The following TMEM135 variants were observed in gnomAD, a reference collection of about 807,000 sequenced individuals.
TMEM135 encodes the protein transmembrane protein 135.
In TMEM135, 30 loss-of-function variants were observed where a neutral mutation model predicts 60.3. The ratio of observed to expected loss-of-function variants is 0.50; its 90% CI spans 0.37 to 0.68. The LOEUF is 0.68. Ranked by LOEUF, TMEM135 falls within the 30% of genes least tolerant of loss-of-function variation. The probability of loss-of-function intolerance (pLI) is 0.00; values close to 1 mark genes in which losing one functional copy is unlikely to be tolerated. For missense variants in TMEM135, 468 were observed against 548.8 expected, an observed-to-expected ratio of 0.85 and a Z score of 1.47; for synonymous variants, 190 against 186.7, an observed-to-expected ratio of 1.02 and a Z score of -0.14.
intron 5 of TMEM135, among the ~76,000 whole-genome samples, chr11:87,219,466 C>T (rs140468431): frequency 3.5e-5 from 5 of 144,216 alleles, no homozygotes; most frequent in East Asian, 2.3e-4. Flanking sequence ...GGGGTGGTGG[C>T]GGGGCTGGGG....
At position 87,195,379 on chromosome 11, in the gene TMEM135, TTCCTTCCTTCCTTCTCTCTC is replaced by T. The variant is rs1269350367; in HGVS notation, c.462+37976_462+37995del. Among the ~76,000 whole-genome samples, 2 of 96,910 alleles carry T rather than the reference TTCCTTCCTTCCTTCTCTCTC, an allele frequency of 2.1e-5. 1 individual carries two copies. The highest frequency in any genetic ancestry group is 8.0e-5 in the African/African-American group (2 of 25,144). The allele number at this position is 96,910 out of a possible 152,430, so 63.6% of individuals were successfully genotyped here. Reference sequence around the variant, plus strand: ...CTTCCTTCCTTCCTTCCTTCCTTCCTTCCTTCCTTCCTTCTCTCTCTCTCTCTCTCTGTTTCTCTCTTTCT... The same window carrying T: ...CTTCCTTCCTTCCTTCCTTCCTTCCTTCTCTCTCTCTGTTTCTCTCTTTCT... On this transcript the variant is annotated intron_variant, in intron 5 of 14. Transcript: ENST00000305494.
intron 4 of TMEM135, among the ~76,000 whole-genome samples, chr11:87,122,309 GTTTT>G (rs11367827): frequency 0.037 from 4,124 of 110,400 alleles, 131 homozygotes; most frequent in African/African-American, 0.12. Flanking sequence ...GTTTTGCTAG[GTTTT>G]TTTTTTTTTT....
chr11:87,230,120 A>G lies in TMEM135; in HGVS notation c.463-6518A>G, dbSNP rs1026721180. Among the ~76,000 whole-genome samples, 19 of 151,942 alleles carry G rather than the reference A, an allele frequency of 1.3e-4. 1 individual carries two copies. The highest frequency in any genetic ancestry group is 7.4e-5 in the Non-Finnish European group (5 of 67,942). On this transcript the variant is annotated intron_variant, in intron 5 of 14. Coordinates refer to ENST00000305494, the MANE Select transcript of TMEM135 (RefSeq NM_022918.4). Reference sequence around the variant, plus strand: ...CATCATCCCTTAGTAGTTCCTCTCCATCACCCCTTACTCCTCCAACTCTAG... The same window carrying G: ...CATCATCCCTTAGTAGTTCCTCTCCGTCACCCCTTACTCCTCCAACTCTAG...
At chr11:87,205,466 A>T (rs1047872673) in intron 5 of TMEM135, among the ~76,000 whole-genome samples, 6 of 152,300 alleles carry the variant, frequency 3.9e-5, no homozygotes, top group African/African-American at 1.2e-4. Context: ...AGTAATCCAG[A>T]TATTGATGGA....
intron 5 of TMEM135, among the ~76,000 whole-genome samples, chr11:87,198,773 G>A (rs1465777423): frequency 6.6e-6 from 1 of 151,618 alleles, no homozygotes; most frequent in Non-Finnish European, 1.5e-5. Context: ...ACTATACCAG[G>A]TGTTAGAGAC....
chr11:87,149,598 T>A (rs1938503516), intron 4 of TMEM135, among the ~76,000 whole-genome samples: 1 of 152,230 alleles, frequency 6.6e-6, no homozygotes, highest in Admixed American at 6.5e-5. Flanking sequence ...TTCTTGTATC[T>A]GTAATTTCTT....
chr11:87,223,453 A>G (rs1330379310), intron 5 of TMEM135, among the ~76,000 whole-genome samples: 1 of 152,018 alleles, frequency 6.6e-6, no homozygotes, highest in African/African-American at 2.4e-5. Flanking sequence ...TACACGCGTG[A>G]GCCACCGTGG....
chr11:87,204,477 A>G (rs915542398), intron 5 of TMEM135, among the ~76,000 whole-genome samples: 12 of 152,126 alleles, frequency 7.9e-5, no homozygotes, highest in Non-Finnish European at 1.8e-4. Context: ...TTTGAGAATA[A>G]TTTTTGACTC....
At chr11:87,162,134 T>G (rs1430023861) in intron 5 of TMEM135, among the ~76,000 whole-genome samples, 1 of 151,986 alleles carries the variant, frequency 6.6e-6, no homozygotes, top group Non-Finnish European at 1.5e-5. Flanking sequence ...AATAAAGAAA[T>G]AAATGACTAA....
chr11:87,066,932 C>A (rs1400678116), intron 1 of TMEM135, among the ~76,000 whole-genome samples: 1 of 151,274 alleles, frequency 6.6e-6, no homozygotes, highest in Admixed American at 6.6e-5. Context: ...AGGCGCCCAC[C>A]ACCACGCCCG....
chr11:87,187,010 G>T (rs1203777640), intron 5 of TMEM135, among the ~76,000 whole-genome samples: 2 of 152,122 alleles, frequency 1.3e-5, no homozygotes, highest in African/African-American at 2.4e-5. Flanking sequence ...AATCAGGTGG[G>T]TCTTATCTAA....
At chr11:87,071,812 T>G (rs1856777682) in intron 3 of TMEM135, among the ~76,000 whole-genome samples, 197 bp downstream of exon 3, 1 of 152,098 alleles carries the variant, frequency 6.6e-6, no homozygotes, top group South Asian at 2.1e-4. Context: ...TATAAAAATA[T>G]AAAAGTGGAC....
chr11:87,150,265 G>T (rs189026730), intron 4 of TMEM135, among the ~76,000 whole-genome samples: 2 of 151,326 alleles, frequency 1.3e-5, no homozygotes, highest in East Asian at 3.9e-4. Flanking sequence ...TGCTGCAAAG[G>T]TTACAGAAAA....
chr11:87,038,325 GTCGGTA>G, intron 1 of TMEM135, 139 bp downstream of exon 1: 1 of 757,506 alleles, frequency 1.3e-6, no homozygotes, highest in Non-Finnish European at 2.1e-6. Context: ...GTTTTGGGGG[GTCGGTA>G]GGGGGAAGGG....
intron 4 of TMEM135, among the ~76,000 whole-genome samples, chr11:87,128,837 A>G (rs370930477): frequency 3.9e-5 from 6 of 152,302 alleles, no homozygotes; most frequent in South Asian, 2.1e-4. Flanking sequence ...TGAAAACTCA[A>G]TTCAACTCGA....
intron 5 of TMEM135, among the ~76,000 whole-genome samples, chr11:87,202,586 G>A (rs1280203763): frequency 1.3e-5 from 2 of 152,150 alleles, no homozygotes; most frequent in Admixed American, 6.5e-5. Context: ...TGCAACTGTT[G>A]AGAGACAAAT....
intron 4 of TMEM135, among the ~76,000 whole-genome samples, chr11:87,135,942 G>A (rs550403054): frequency 3.2e-4 from 48 of 151,776 alleles, no homozygotes; most frequent in Non-Finnish European, 6.5e-4. Context: ...TCAGTGTACA[G>A]GTCTTGTATA....
At chr11:87,042,319 G>A (rs569528207) in intron 1 of TMEM135, among the ~76,000 whole-genome samples, 2 of 152,170 alleles carry the variant, frequency 1.3e-5, no homozygotes, top group Non-Finnish European at 2.9e-5. Flanking sequence ...TGAGTATGGG[G>A]CAGGACCCTC....
intron 4 of TMEM135, among the ~76,000 whole-genome samples, chr11:87,123,752 C>T (rs1403299721): frequency 1.3e-5 from 2 of 152,152 alleles, no homozygotes; most frequent in Non-Finnish European, 2.9e-5. Context: ...ATGCCTTATT[C>T]TTACTGGGAA....
Sources: gnomAD v4.1 joint callset for allele counts (sites outside exome capture counted in the v4.1 genomes callset) on GRCh38, gnomAD v4.1.1 for gene constraint, MANE v1.5 for transcripts, NCBI Gene and HGNC (gene_info 2026-07-23, HGNC 2026-07-21) for gene names.